Variants in RALGDS observed in about 807,000 individuals in gnomAD.
RALGDS encodes ral guanine nucleotide exchange factor.
RALGDS carries 44 observed loss-of-function variants against 99.8 expected under a neutral mutation model. That is an observed-to-expected ratio of 0.44 (90% CI 0.35 to 0.57). The LOEUF is 0.57. Ranked by LOEUF, RALGDS falls within the 20% of genes least tolerant of loss-of-function variation. The pLI, the probability that RALGDS is intolerant of heterozygous loss-of-function variation, is 0.01. For synonymous variants in RALGDS, 529 were observed against 505.0 expected (o/e 1.05, Z -0.64); for missense variants, 1,022 against 1,203.1 (o/e 0.85, Z 2.23).
intron 1 of RALGDS, among the ~76,000 whole-genome samples, chr9:133,117,273 G>A (rs1831654291): frequency 6.6e-6 from 1 of 152,200 alleles, no homozygotes; most frequent in Admixed American, 6.5e-5. Flanking sequence ...CTGGCATCAT[G>A]TCCATTTTAC....
upstream of RALGDS, among the ~76,000 whole-genome samples, chr9:133,124,626 C>G (rs190566074): frequency 6.6e-6 from 1 of 152,246 alleles, no homozygotes. Flanking sequence ...CACATGCCCC[C>G]CTAATGAAGG....
intron 1 of RALGDS, among the ~76,000 whole-genome samples, chr9:133,128,898 G>A (rs1299963394): frequency 6.6e-6 from 1 of 152,208 alleles, no homozygotes; most frequent in African/African-American, 2.4e-5. Flanking sequence ...GACCCGTGGG[G>A]CTGGGGGCAG....
chr9:133,098,478 G>T lies in RALGDS; in HGVS notation c.*109C>A. The T allele has an allele frequency of 8.5e-7, 1 of 1,181,808 alleles. No individual in the cohort carries two copies. The highest frequency in any genetic ancestry group is 1.2e-6 in the Non-Finnish European group (1 of 813,312). 73.2% of individuals were successfully genotyped at this position (1,181,808 alleles called of 1,614,324 possible). On this transcript the variant is annotated 3_prime_UTR_variant, in exon 18 of 18. Transcript: ENST00000372050. ...GGGAGAGGTTCAGGATGAAACTGGA[G>T]TCTGGGGTACCCTGGGCTGGCAGGT...
intron 1 of RALGDS, among the ~76,000 whole-genome samples, chr9:133,129,829 T>TC (rs201333686): frequency 2.8e-5 from 2 of 71,020 alleles, no homozygotes; most frequent in Non-Finnish European, 6.5e-5. Flanking sequence ...TTTTTTTTTT[T>TC]CCCTGAGATG....
chr9:133,144,095 C>G lies in RALGDS; in HGVS notation c.18+4868G>C, dbSNP rs1832584814. The stretch of plus-strand genomic sequence containing the variant: ...GGGGAAGGACCCCTCAAGTCTCTAT[C>G]TGCACAGACAGCCCACCCGTGCCCA... On this transcript the variant is annotated intron_variant, in intron 1 of 17. Transcript: ENST00000393160. The surrounding 1 kb of genome is among the most constrained non-coding windows in gnomAD (Gnocchi z 4.5). Among the ~76,000 whole-genome samples, 1 of 152,156 alleles carries G rather than the reference C, an allele frequency of 6.6e-6. No homozygotes were observed. Among genetic ancestry groups the G allele is most frequent in the Non-Finnish European group, 1.5e-5 (1 of 68,026 alleles).
chr9:133,109,588 G>A, intron 4 of RALGDS, 38 bp downstream of exon 4: 1 of 1,558,196 alleles, frequency 6.4e-7, no homozygotes, highest in Non-Finnish European at 8.9e-7. Flanking sequence ...TGTTCGGTGG[G>A]GACAGGGTCC....
intron 9 of RALGDS, 128 bp downstream of exon 9, chr9:133,105,804 A>G: frequency 1.3e-6 from 1 of 787,198 alleles, no homozygotes; most frequent in Non-Finnish European, 1.9e-6. Flanking sequence ...CAAGAAGCGA[A>G]TGCCACCGCC....
In RALGDS at chr9:133,121,048, T is replaced by A. The variant is rs1399409383; in HGVS notation, c.107A>T (p.Glu36Val). ...SRSVWDAVRL[E>V]VGVPDSCPVV... is the part of the protein sequence containing the mutation. The stretch of plus-strand genomic sequence containing the variant: ...CGGGCAGCTGTCGGGGACGCCCACC[T>A]CCAGGCGCACGGCGTCCCACACGCT... The change falls in exon 1 of 18, where the codon GAG becomes GTG. Residue 36 changes from glutamate (E) to valine (V), a missense_variant. Glu to Val is a moderately radical substitution (Grantham distance 121). Coordinates refer to ENST00000372050, the MANE Select transcript of RALGDS (RefSeq NM_006266.4). 2 of 1,492,174 alleles carry A rather than the reference T, an allele frequency of 1.3e-6. No individual in the cohort carries two copies. The highest frequency in any genetic ancestry group is 1.5e-5 in the African/African-American group (1 of 68,444). 92.4% of individuals were successfully genotyped at this position (1,492,174 alleles called of 1,614,324 possible). A position where few individuals can be genotyped will look rare whatever the true frequency, so the allele number is the denominator to read the frequency against.
chr9:133,134,208 G>C (rs951413739), upstream of RALGDS, among the ~76,000 whole-genome samples: 3 of 152,200 alleles, frequency 2.0e-5, no homozygotes, highest in African/African-American at 7.2e-5. Flanking sequence ...CCTGGAGGCT[G>C]CACCTATGCC....
intron 1 of RALGDS, among the ~76,000 whole-genome samples, chr9:133,141,393 C>T (rs549948984): frequency 2.6e-5 from 4 of 152,344 alleles, no homozygotes; most frequent in Non-Finnish European, 4.4e-5. Flanking sequence ...CCTCGGCTCC[C>T]GCAGTGCCCA....
chr9:133,121,602 G>A (rs1171021149), upstream of RALGDS, among the ~76,000 whole-genome samples: 1 of 152,190 alleles, frequency 6.6e-6, no homozygotes, highest in Non-Finnish European at 1.5e-5. Flanking sequence ...ATCATGTGTG[G>A]GGAAGCCGCC....
rs558814091 is a variant in RALGDS at position 133,103,037 on chromosome 9, A to C, written c.1792-137T>G. On this transcript the variant is annotated intron_variant, in intron 12 of 17. Coordinates refer to ENST00000372050, the MANE Select transcript of RALGDS (RefSeq NM_006266.4). ...CCTTCCTGTTCTCAAAGTTGGGCTC[A>C]GCCACTCCCCAGGAGGTGGTCCTGG... 1.9e-4 allele frequency: 269 copies of C among 1,438,368 alleles called. No homozygotes were observed. In the African/African-American group the frequency reaches 3.5e-3, roughly 19 times the overall value. The allele number at this position is 1,438,368 out of a possible 1,614,324, so 89.1% of individuals were successfully genotyped here.
rs761368409 is a variant in RALGDS at position 133,108,115 on chromosome 9, G to A, written c.1070C>T (p.Pro357Leu). 1 of 1,611,332 alleles carries A rather than the reference G, an allele frequency of 6.2e-7. No homozygotes were observed. The highest frequency in any genetic ancestry group is 8.5e-7 in the Non-Finnish European group (1 of 1,178,148). Residue 357 changes from proline (P) to leucine (L), a missense_variant, in exon 6 of 18, where the codon CCA becomes CTA. Pro to Leu is a moderately conservative substitution (Grantham distance 98). Coordinates refer to ENST00000372050, the MANE Select transcript of RALGDS (RefSeq NM_006266.4). ...QTLELEPAPA[P>L]VPSLQPSWPS... ...CCAGGAAGGCTGTAATGATGGAACTGGTGCTGGAGCTGGCTCCAGCTCTAG... is the reference window on the plus strand; with the variant it reads ...CCAGGAAGGCTGTAATGATGGAACTAGTGCTGGAGCTGGCTCCAGCTCTAG...
chr9:133,137,649 T>C (rs1157105435), intron 1 of RALGDS, among the ~76,000 whole-genome samples: 1 of 152,238 alleles, frequency 6.6e-6, no homozygotes, highest in Non-Finnish European at 1.5e-5. Flanking sequence ...GCAGCCAGGC[T>C]TTCTGGGAAG....
chr9:133,133,977 G>A (rs547916251), upstream of RALGDS, among the ~76,000 whole-genome samples: 1 of 152,234 alleles, frequency 6.6e-6, no homozygotes, highest in East Asian at 1.9e-4. Context: ...CCAGGAAGCA[G>A]ATAGCAGAGG....
intron 1 of RALGDS, among the ~76,000 whole-genome samples, chr9:133,140,855 C>T (rs1588572532): frequency 6.6e-6 from 1 of 151,978 alleles, no homozygotes; most frequent in African/African-American, 2.4e-5. Context: ...CGGGGCTGCA[C>T]GCACCTTGGG....
chr9:133,147,221 G>A (rs376011583), intron 1 of RALGDS, among the ~76,000 whole-genome samples: 2 of 152,116 alleles, frequency 1.3e-5, no homozygotes, highest in Non-Finnish European at 2.9e-5. Flanking sequence ...GTCCAGACTC[G>A]TGCAGGGCTG....
rs530629532 is a variant in RALGDS, at chr9:133,101,378, T to C, written c.2454+142A>G. The C allele has an allele frequency of 2.0e-4, 314 of 1,550,460 alleles. 2 individuals carry two copies. In the African/African-American group the frequency reaches 4.0e-3, roughly 20 times the overall value. On this transcript the variant is annotated intron_variant, in intron 16 of 17. Coordinates refer to ENST00000372050, the MANE Select transcript of RALGDS (RefSeq NM_006266.4). ...CCAGCCTTGTCCCTGATCACTACCT[T>C]CTTCATTTCTGTACCTGGCTGACAT...
At position 133,121,003 on chromosome 9, in the gene RALGDS, G is replaced by T. The variant is rs1321726115; in HGVS notation, c.152C>A (p.Thr51Lys). The T allele has an allele frequency of 3.3e-6, 5 of 1,496,866 alleles. No homozygotes were observed. The East Asian group carries it at 8.3e-5, about 25-fold the overall frequency. 92.7% of individuals were successfully genotyped at this position (1,496,866 alleles called of 1,614,324 possible). Residue 51 changes from threonine (T) to lysine (K), a missense_variant, in exon 1 of 18, where the codon ACG becomes AAG. By Grantham distance (78) the Thr-to-Lys change is moderately conservative (BLOSUM62 -1). Around this residue, in one of 3 missense-constraint regions of RALGDS, gnomAD observed 180 missense variants for 169.3 expected, o/e 1.06. Coordinates refer to ENST00000372050, the MANE Select transcript of RALGDS (RefSeq NM_006266.4). ...GCGCGGCAGGTCGGGGTCTAGCTGCGTGAAGCTGTGCAGCACCACCGGGCA... is the reference window on the plus strand; with the variant it reads ...GCGCGGCAGGTCGGGGTCTAGCTGCTTGAAGCTGTGCAGCACCACCGGGCA... ...DSCPVVLHSF[T>K]QLDPDLPRPE...
Sources: allele counts gnomAD v4.1 joint callset (sites outside exome capture counted in the v4.1 genomes callset), GRCh38; gene constraint gnomAD v4.1.1; regional missense constraint gnomAD v4.1.1; non-coding constraint Gnocchi (gnomAD v3.1); transcripts MANE v1.5; gene names NCBI Gene and HGNC (gene_info 2026-07-23, HGNC 2026-07-21).